RERE: variants seen among roughly 807,000 people sequenced by gnomAD.
RERE encodes arginine-glutamic acid dipeptide repeats.
RERE carries 40 observed loss-of-function variants against 146.1 expected under a neutral mutation model. The ratio of observed to expected loss-of-function variants is 0.27; its 90% confidence interval spans 0.21 to 0.36. RERE has a LOEUF of 0.36. Ranked by LOEUF, RERE falls within the 10% of genes least tolerant of loss-of-function variation. RERE has a pLI of 1.00. For missense variants in RERE, 1,933 were observed against 2,138.7 expected (o/e 0.90, Z 1.90); for synonymous variants, 1,003 against 866.0 (o/e 1.16, Z -2.78).
intron 12 of RERE, among the ~76,000 whole-genome samples, chr1:8,374,213 G>A (rs1401488585): frequency 6.6e-6 from 1 of 152,200 alleles, no homozygotes; most frequent in East Asian, 1.9e-4. Flanking sequence ...GCCACCTCCA[G>A]ATCCTCTTCT....
chr1:8,763,020 G>A (rs766115888), intron 1 of RERE, among the ~76,000 whole-genome samples: 2 of 152,074 alleles, frequency 1.3e-5, no homozygotes, highest in Non-Finnish European at 2.9e-5. Flanking sequence ...TTAGGGTCCA[G>A]TAAGCTTAAA....
intron 1 of RERE, chr1:8,806,743 G>C (rs569065389): frequency 6.6e-5 from 10 of 152,140 alleles, no homozygotes; most frequent in African/African-American, 2.4e-4. Context: ...CAATGCAGCC[G>C]AGGCAGTAGA....
At chr1:8,378,928 A>C (rs1013607298) in intron 12 of RERE, among the ~76,000 whole-genome samples, 3 of 152,222 alleles carry the variant, frequency 2.0e-5, no homozygotes, top group African/African-American at 7.2e-5. Flanking sequence ...GGGGAGAAGA[A>C]CAGGTGCCAA....
chr1:8,652,743 T>G (rs1647690771), intron 2 of RERE, among the ~76,000 whole-genome samples: 1 of 152,146 alleles, frequency 6.6e-6, no homozygotes, highest in Non-Finnish European at 1.5e-5. Context: ...GCCCCCATGA[T>G]TCATTTATCT....
chr1:8,636,769 T>G (rs1210524357), intron 2 of RERE, among the ~76,000 whole-genome samples: 1 of 152,072 alleles, frequency 6.6e-6, no homozygotes, highest in Non-Finnish European at 1.5e-5. Context: ...CTCTTCTTAC[T>G]CTTCCTAGTA....
chr1:8,356,591 G>C lies in RERE; in HGVS notation c.4340-345C>G, dbSNP rs1057397702. Among the ~76,000 whole-genome samples the C allele has an allele frequency of 1.3e-5, 2 of 152,152 alleles. No homozygotes were observed. The highest frequency in any genetic ancestry group is 1.3e-4 in the Admixed American group (2 of 15,280). On this transcript the variant is annotated intron_variant, in intron 20 of 22. Transcript: ENST00000400908. The surrounding 1 kb of genome is among the most constrained non-coding windows in gnomAD (Gnocchi z 5.2). Reference sequence around the variant, plus strand: ...CCTGGGCCTGCCCTCTGCCTGTCAGGTCACAGGAACACACAGCCTTGCGCC... The same window carrying C: ...CCTGGGCCTGCCCTCTGCCTGTCAGCTCACAGGAACACACAGCCTTGCGCC...
intron 3 of RERE, among the ~76,000 whole-genome samples, chr1:8,622,547 G>T (rs2124221223): frequency 9.3e-6 from 1 of 107,652 alleles, no homozygotes; most frequent in East Asian, 2.9e-4. Flanking sequence ...AAGTAGCAAA[G>T]ACCTCTAAAA....
intron 1 of RERE, among the ~76,000 whole-genome samples, chr1:8,773,738 C>T (rs1026007816): frequency 1.2e-4 from 18 of 152,112 alleles, no homozygotes; most frequent in Non-Finnish European, 2.1e-4. Context: ...GCAGGAGAAT[C>T]GCTTGAACCT....
chr1:8,375,632 A>C (rs12121271), intron 12 of RERE, among the ~76,000 whole-genome samples: 1 of 79,130 alleles, frequency 1.3e-5, no homozygotes, highest in Non-Finnish European at 2.7e-5. Context: ...ATGCTTCCTC[A>C]CTCAGCAGCC....
chr1:8,591,938 G>T (rs1420480697), intron 4 of RERE, among the ~76,000 whole-genome samples: 1 of 152,008 alleles, frequency 6.6e-6, no homozygotes, highest in East Asian at 1.9e-4. Flanking sequence ...TCCTCTAAAG[G>T]TGCCTACTAT....
chr1:8,496,280 T>TG (rs927641109), intron 9 of RERE, among the ~76,000 whole-genome samples: 7 of 151,722 alleles, frequency 4.6e-5, no homozygotes, highest in Non-Finnish European at 1.0e-4. Flanking sequence ...GCCAGGTAAC[T>TG]GGGGCAACAC....
At chr1:8,530,083 A>G (rs1323644143) in intron 7 of RERE, among the ~76,000 whole-genome samples, 2 of 152,160 alleles carry the variant, frequency 1.3e-5, no homozygotes, top group African/African-American at 2.4e-5. Context: ...ATGTACATAC[A>G]ATCTGCAACC....
chr1:8,532,895 C>CT (rs952009140), intron 7 of RERE, among the ~76,000 whole-genome samples: 32 of 150,802 alleles, frequency 2.1e-4, no homozygotes, highest in Middle Eastern at 3.4e-3. Flanking sequence ...GCCCCTGGCC[C>CT]TTTTTTTTTG....
At chr1:8,724,665 C>T (rs541216623) in intron 1 of RERE, among the ~76,000 whole-genome samples, 3 of 151,900 alleles carry the variant, frequency 2.0e-5, no homozygotes, top group Admixed American at 2.0e-4. Context: ...CCCGTCGCTA[C>T]TAAAAATACA....
chr1:8,411,423 G>C (rs546015897), intron 12 of RERE, among the ~76,000 whole-genome samples: 1 of 151,670 alleles, frequency 6.6e-6, no homozygotes, highest in South Asian at 2.1e-4. Flanking sequence ...TATAGTAGGA[G>C]TATCTACCCT....
chr1:8,766,921 T>C (rs1640861021), intron 1 of RERE, among the ~76,000 whole-genome samples: 1 of 148,676 alleles, frequency 6.7e-6, no homozygotes, highest in Non-Finnish European at 1.5e-5. Context: ...ATGTTAGTTA[T>C]GTTTATAAGT....
At chr1:8,792,270 A>C (rs556994641) in intron 1 of RERE, 2 of 152,234 alleles carry the variant, frequency 1.3e-5, no homozygotes, top group Non-Finnish European at 2.9e-5. Flanking sequence ...TTCATACCAG[A>C]AACCAGGTAA....
intron 1 of RERE, among the ~76,000 whole-genome samples, chr1:8,726,793 T>C (rs1027726973): frequency 2.0e-5 from 3 of 150,366 alleles, no homozygotes; most frequent in Admixed American, 6.7e-5. Context: ...TATTCTAATA[T>C]TGTAAACTGA....
At chr1:8,756,079 G>A (rs1401364958) in intron 1 of RERE, among the ~76,000 whole-genome samples, 1 of 152,122 alleles carries the variant, frequency 6.6e-6, no homozygotes, top group African/African-American at 2.4e-5. Flanking sequence ...GGGATTGTTT[G>A]AGCCTAGAAG....
Sources: gnomAD v4.1 joint callset for allele counts (sites outside exome capture counted in the v4.1 genomes callset) on GRCh38, gnomAD v4.1.1 for gene constraint, Gnocchi (gnomAD v3.1) non-coding constraint, MANE v1.5 for transcripts, NCBI Gene and HGNC (gene_info 2026-07-23, HGNC 2026-07-21) for gene names.